Variants in MYO16 observed in about 807,000 individuals in gnomAD.
The protein encoded by MYO16 is myosin XVI, also known as unconventional myosin-XVI.
In MYO16, 94 loss-of-function variants were observed where a neutral mutation model predicts 205.3. That is an observed-to-expected ratio of 0.46 (90% CI 0.39 to 0.54). The LOEUF is 0.54. Among genes scored for constraint, MYO16 ranks in the 20% least tolerant of loss-of-function variants. The probability of loss-of-function intolerance (pLI) is 0.00; values close to 1 mark genes in which losing one functional copy is unlikely to be tolerated. For missense variants in MYO16, 2,315 were observed against 2,387.5 expected (o/e 0.97, Z 0.63); for synonymous variants, 988 against 954.0 (o/e 1.04, Z -0.66).
the MYO16 span, among the ~76,000 whole-genome samples, chr13:108,586,467 C>T: frequency 2.0e-5 from 3 of 151,988 alleles, no homozygotes; most frequent in Non-Finnish European, 4.4e-5. Context: ...TTCAGATATG[C>T]TAAGTAGTGT....
the MYO16 span, among the ~76,000 whole-genome samples, chr13:108,549,787 C>T: frequency 1.3e-5 from 2 of 152,202 alleles, no homozygotes; most frequent in South Asian, 4.2e-4. Context: ...ATACCCAGCT[C>T]CTCCTGCACT....
chr13:109,037,470 C>T (rs901776495), intron 23 of MYO16, among the ~76,000 whole-genome samples: 4 of 151,914 alleles, frequency 2.6e-5, no homozygotes, highest in Non-Finnish European at 5.9e-5. Flanking sequence ...TTAGCAGCCT[C>T]AAGACAGATT....
intron 2 of MYO16, among the ~76,000 whole-genome samples, chr13:108,696,598 G>A (rs1317938561): frequency 6.6e-6 from 1 of 152,190 alleles, no homozygotes; most frequent in Non-Finnish European, 1.5e-5. Flanking sequence ...TACCTGCGGG[G>A]AAGGACCAGG....
Position 109,140,200 on chromosome 13 carries a change from C to T in MYO16, c.4052-64C>T, listed in dbSNP as rs1257151668. ...CCGTGGCTCCCTCCGAGTCGAGCCC[C>T]GGGCTTGGTGGGCACCCGTGGGCCT... On this transcript the variant is annotated intron_variant, in intron 31 of 34. Transcript: ENST00000457511. The surrounding 1 kb of genome is among the most constrained non-coding windows in gnomAD (Gnocchi z 8.0). 2.0e-5 allele frequency: 32 copies of T among 1,573,184 alleles called. No individual in the cohort carries two copies. Among genetic ancestry groups the T allele is most frequent in the African/African-American group, 1.1e-4 (8 of 72,658 alleles).
intron 14 of MYO16, among the ~76,000 whole-genome samples, chr13:108,896,790 G>A (rs1190468875): frequency 1.3e-5 from 2 of 152,056 alleles, no homozygotes; most frequent in East Asian, 1.9e-4. Flanking sequence ...CCAACATGGC[G>A]AAACCCTGTC....
intron 1 of MYO16, among the ~76,000 whole-genome samples, chr13:108,658,593 T>G (rs1364452054): frequency 6.6e-6 from 1 of 152,192 alleles, no homozygotes; most frequent in East Asian, 1.9e-4. Flanking sequence ...TGGATCTCCT[T>G]TCATCAATGG....
At chr13:108,990,887 G>C (rs1884806403) in intron 20 of MYO16, among the ~76,000 whole-genome samples, 1 of 152,090 alleles carries the variant, frequency 6.6e-6, no homozygotes, top group Admixed American at 6.6e-5. Context: ...ATTATGTACT[G>C]TACGTGAAAA....
Position 109,055,581 on chromosome 13 carries a change from G to T in MYO16, c.3321G>T (p.Ser1107=), listed in dbSNP as rs145209693. ...GATACCCTGTTCGCCTTTCCTTCTC[G>T]GATTTCCTGTCAAGGTAAATTCTTC... The part of the protein sequence containing the change: ...RYGYPVRLSF[S]DFLSRYKPLA... Residue 1107 remains serine, a synonymous_variant, in exon 27 of 35, where the codon TCG becomes TCT. Coordinates refer to ENST00000457511, the MANE Select transcript of MYO16 (RefSeq NM_001198950.3). This position sits in a 1 kb window ranked among gnomAD's most constrained non-coding sequence, Gnocchi z 5.0. 2 of 1,609,922 alleles carry T rather than the reference G, an allele frequency of 1.2e-6. No individual in the cohort carries two copies. Among genetic ancestry groups the T allele is most frequent in the South Asian group, 2.2e-5 (2 of 91,060 alleles).
At chr13:108,595,874 T>C (rs914134229), upstream of MYO16, among the ~76,000 whole-genome samples, 1 of 141,554 alleles carries the variant, frequency 7.1e-6, no homozygotes, top group African/African-American at 2.6e-5. Context: ...AATTCAGAAA[T>C]TAAGTCCTTT....
At chr13:108,901,223 A>AT (rs1427759003) in intron 15 of MYO16, among the ~76,000 whole-genome samples, 3 of 152,016 alleles carry the variant, frequency 2.0e-5, no homozygotes, top group Admixed American at 6.6e-5. Flanking sequence ...ACCTTGTGAT[A>AT]TTTTATTACC....
At chr13:109,193,810 T>C (rs1385926322) in intron 34 of MYO16, among the ~76,000 whole-genome samples, 1 of 152,204 alleles carries the variant, frequency 6.6e-6, no homozygotes, top group Non-Finnish European at 1.5e-5. Context: ...AAGCCAACTG[T>C]CAAATCCTAT....
chr13:108,686,796 G>T (rs555986688), intron 2 of MYO16, among the ~76,000 whole-genome samples: 1 of 152,338 alleles, frequency 6.6e-6, no homozygotes, highest in Non-Finnish European at 1.5e-5. Flanking sequence ...GATGTTCAGC[G>T]GCCTGAGGAC....
chr13:109,074,394 C>G (rs1032910384), intron 27 of MYO16, among the ~76,000 whole-genome samples: 8 of 152,188 alleles, frequency 5.3e-5, no homozygotes, highest in African/African-American at 1.7e-4. Flanking sequence ...GTTTAATTGA[C>G]TCTCAGTTCT....
chr13:108,855,206 G>T (rs1878102956), intron 10 of MYO16: 8 of 375,546 alleles, frequency 2.1e-5, no homozygotes, highest in East Asian at 7.5e-5. Context: ...CAGACAGGGT[G>T]TGTGCACCTG....
At chr13:108,993,512 C>T (rs1312176187) in intron 21 of MYO16, among the ~76,000 whole-genome samples, 2 of 152,116 alleles carry the variant, frequency 1.3e-5, no homozygotes, top group African/African-American at 4.8e-5. Flanking sequence ...CTGCATCATC[C>T]TGTGTTTAGA....
chr13:108,640,338 G>C, intron 1 of MYO16, among the ~76,000 whole-genome samples: 1 of 152,170 alleles, frequency 6.6e-6, no homozygotes, highest in South Asian at 2.1e-4. Flanking sequence ...GAGGCCATTA[G>C]TGATGTAGAC....
chr13:109,024,037 T>C (rs1459119418), intron 23 of MYO16, among the ~76,000 whole-genome samples: 2 of 145,036 alleles, frequency 1.4e-5, no homozygotes, highest in Admixed American at 7.0e-5. Context: ...TGTATATATT[T>C]ATATTTATAT....
intron 27 of MYO16, among the ~76,000 whole-genome samples, chr13:109,082,879 A>C (rs1372360807): frequency 6.6e-6 from 1 of 152,178 alleles, no homozygotes; most frequent in African/African-American, 2.4e-5. Context: ...GGTACCTGTG[A>C]GATGCTAAGG....
rs1412790190 is a variant in MYO16 at position 108,832,852 on chromosome 13, A to C, written c.1097+9574A>C. 3.9e-5 allele frequency among the ~76,000 whole-genome samples: 6 copies of C among 152,280 alleles called. No homozygotes were observed. The East Asian group carries it at 1.2e-3, about 29-fold the overall frequency. On this transcript the variant is annotated intron_variant, in intron 9 of 34. Transcript: ENST00000457511. ...GCCTTTTTAATCAAATATTACAACT[A>C]CATTGTTAAATTCTACAGAATGTGT... is the stretch of plus-strand genomic sequence containing the variant.
Sources: gnomAD v4.1 joint callset for allele counts (sites outside exome capture counted in the v4.1 genomes callset) on GRCh38, gnomAD v4.1.1 for gene constraint, Gnocchi (gnomAD v3.1) non-coding constraint, MANE v1.5 for transcripts, NCBI Gene and HGNC (gene_info 2026-07-23, HGNC 2026-07-21) for gene names.